Variants in MARCHF1 observed in about 807,000 individuals in gnomAD.
MARCHF1 encodes membrane associated ring-CH-type finger 1.
A neutral mutation model predicts 54.2 loss-of-function variants in MARCHF1; 40 were observed. The observed-to-expected ratio is 0.74, with a 90% confidence interval of 0.57 to 0.96. MARCHF1 has a LOEUF of 0.96. Among genes scored for constraint, MARCHF1 ranks in the 40% least tolerant of loss-of-function variants. The pLI, the probability that MARCHF1 is intolerant of heterozygous loss-of-function variation, is 0.00. For missense variants in MARCHF1, 586 were observed against 656.5 expected, an observed-to-expected ratio of 0.89 and a Z score of 1.17; for synonymous variants, 236 against 236.3, an observed-to-expected ratio of 1.00 and a Z score of 0.01.
rs939670691 is a variant in MARCHF1, at chr4:164,368,922, C to A, written c.-323+14948G>T. The stretch of plus-strand genomic sequence containing the variant: ...GCTGGTGCTGTGAACAGTCATGGTA[C>A]AAAATGTCTATTAGACACGGAAACT... On this transcript the variant is annotated intron_variant, in intron 1 of 9. Transcript: ENST00000514618. Among the ~76,000 whole-genome samples, 9 of 152,308 alleles carry A rather than the reference C, an allele frequency of 5.9e-5. No homozygotes were observed. The East Asian group carries it at 1.7e-3, about 29-fold the overall frequency.
chr4:163,626,118 C>T (rs1241480200), intron 5 of MARCHF1, among the ~76,000 whole-genome samples: 1 of 152,146 alleles, frequency 6.6e-6, no homozygotes, highest in Non-Finnish European at 1.5e-5. Context: ...TTGTACAGTG[C>T]ATTCAAATGG....
chr4:164,316,976 A>G (rs1280283381), intron 1 of MARCHF1, among the ~76,000 whole-genome samples: 2 of 152,166 alleles, frequency 1.3e-5, no homozygotes, highest in Non-Finnish European at 2.9e-5. Flanking sequence ...CAAAACCATG[A>G]GCCAATTAAG....
chr4:164,183,636 G>A (rs1418592523), intron 1 of MARCHF1, among the ~76,000 whole-genome samples: 4 of 152,118 alleles, frequency 2.6e-5, no homozygotes, highest in Non-Finnish European at 4.4e-5. Context: ...AACTTTTGGA[G>A]CCAAAATTAT....
chr4:163,679,892 G>C (rs867100785), intron 5 of MARCHF1, among the ~76,000 whole-genome samples: 1 of 151,836 alleles, frequency 6.6e-6, no homozygotes, highest in Non-Finnish European at 1.5e-5. Context: ...GAGCCACCGC[G>C]CCCGGCCTTT....
chr4:164,065,921 G>A (rs115986012), intron 2 of MARCHF1, among the ~76,000 whole-genome samples: 1,791 of 152,228 alleles, frequency 0.012, 30 homozygotes, highest in African/African-American at 0.04. Flanking sequence ...ACCTTCTTCC[G>A]CCTGCTTTGT....
intron 5 of MARCHF1, among the ~76,000 whole-genome samples, chr4:163,620,939 T>C (rs111883986): frequency 0.013 from 1,941 of 152,326 alleles, 25 homozygotes; most frequent in South Asian, 0.036. Context: ...ATGTCATAAA[T>C]GACAACTACT....
In MARCHF1 at chr4:163,633,284, G is replaced by A. The variant is rs1322674636; in HGVS notation, c.163-19891C>T. ...GAGCTGAGAGAAGAAGGCTTCAGACGATCAAATTACTCTGAGCTATGGGAG... is the reference window on the plus strand; with the variant it reads ...GAGCTGAGAGAAGAAGGCTTCAGACAATCAAATTACTCTGAGCTATGGGAG... On this transcript the variant is annotated intron_variant, in intron 5 of 9. Coordinates refer to ENST00000514618, the MANE Select transcript of MARCHF1 (RefSeq NM_001394959.1). 2.6e-5 allele frequency among the ~76,000 whole-genome samples: 4 copies of A among 152,128 alleles called. No homozygotes were observed. In the East Asian group the frequency reaches 5.8e-4, roughly 22 times the overall value.
At chr4:163,563,219 A>G (rs981384898) in intron 8 of MARCHF1, among the ~76,000 whole-genome samples, 1 of 152,236 alleles carries the variant, frequency 6.6e-6, no homozygotes, top group African/African-American at 2.4e-5. Context: ...TAATATTAAT[A>G]TTAATGGTTT....
intron 1 of MARCHF1, among the ~76,000 whole-genome samples, chr4:164,218,590 T>C (rs1731998954): frequency 6.7e-6 from 1 of 150,110 alleles, no homozygotes; most frequent in Non-Finnish European, 1.5e-5. Context: ...CTCAGCAAAC[T>C]ATCCCAAGGA....
intron 1 of MARCHF1, among the ~76,000 whole-genome samples, chr4:164,237,799 T>C (rs1329543617): frequency 6.6e-6 from 1 of 151,968 alleles, no homozygotes; most frequent in South Asian, 2.1e-4. Context: ...ATTTCAGGCA[T>C]GAAATTTTTA....
At chr4:163,551,846 T>TGAAAG (rs1359867912) in intron 8 of MARCHF1, among the ~76,000 whole-genome samples, 2 of 152,160 alleles carry the variant, frequency 1.3e-5, no homozygotes, top group African/African-American at 2.4e-5. Context: ...TTTCACTGTC[T>TGAAAG]GCCATGATTG....
At chr4:164,012,734 T>G (rs1416023828) in intron 2 of MARCHF1, among the ~76,000 whole-genome samples, 4 of 152,180 alleles carry the variant, frequency 2.6e-5, no homozygotes, top group Admixed American at 6.5e-5. Flanking sequence ...TGAGAGACTT[T>G]GCCTGGTGAC....
At chr4:163,615,768 A>C (rs953353353) in intron 5 of MARCHF1, among the ~76,000 whole-genome samples, 2 of 152,132 alleles carry the variant, frequency 1.3e-5, no homozygotes, top group African/African-American at 2.4e-5. Context: ...CAAATAACCA[A>C]AGCAATGTTG....
At chr4:163,906,928 TA>T (rs1371838799) in intron 3 of MARCHF1, among the ~76,000 whole-genome samples, 7 of 152,022 alleles carry the variant, frequency 4.6e-5, no homozygotes, top group Admixed American at 1.3e-4. Flanking sequence ...TTTTTATGAA[TA>T]TTTTTTGCAT....
intron 1 of MARCHF1, among the ~76,000 whole-genome samples, chr4:164,212,020 A>G (rs2111120920): frequency 6.6e-6 from 1 of 152,264 alleles, no homozygotes; most frequent in African/African-American, 2.4e-5. Context: ...TTATGGGGTC[A>G]TGTAGCATAT....
chr4:163,542,426 C>G (rs994929574), intron 9 of MARCHF1, among the ~76,000 whole-genome samples: 16 of 152,174 alleles, frequency 1.1e-4, no homozygotes, highest in Non-Finnish European at 2.4e-4. Flanking sequence ...ATTAAATGAG[C>G]AATTGCAATG....
chr4:163,949,881 T>G (rs1752099713), intron 3 of MARCHF1, among the ~76,000 whole-genome samples: 1 of 151,840 alleles, frequency 6.6e-6, no homozygotes, highest in Admixed American at 6.6e-5. Context: ...GCAGGCAGGT[T>G]GTCCTGTCCT....
intron 2 of MARCHF1, among the ~76,000 whole-genome samples, chr4:164,094,793 T>C (rs1755372748): frequency 6.6e-6 from 1 of 152,082 alleles, no homozygotes; most frequent in East Asian, 1.9e-4. Context: ...TGGATGCTTA[T>C]CAAAAAATAT....
chr4:164,307,599 G>A (rs17044892), intron 1 of MARCHF1, among the ~76,000 whole-genome samples: 6,088 of 152,204 alleles, frequency 0.04, 421 homozygotes, highest in African/African-American at 0.14. Context: ...TTTCATTTTT[G>A]CCATGCCAAA....
Sources: allele counts gnomAD v4.1 joint callset (sites outside exome capture counted in the v4.1 genomes callset), GRCh38; gene constraint gnomAD v4.1.1; transcripts MANE v1.5; gene names NCBI Gene and HGNC (gene_info 2026-07-23, HGNC 2026-07-21).